Variants in MED17 observed in about 807,000 individuals in gnomAD.
The protein encoded by MED17 is mediator complex subunit 17, also known as mediator of RNA polymerase II transcription subunit 17.
Under a neutral mutation model 80.8 loss-of-function variants are expected in MED17, and 49 were observed. That is an observed-to-expected ratio of 0.61 (90% confidence interval 0.48 to 0.77). MED17 has a LOEUF of 0.77. Among genes scored for constraint, MED17 ranks in the 30% least tolerant of loss-of-function variants. The pLI, the probability that MED17 is intolerant of heterozygous loss-of-function variation, is 0.00. For missense variants in MED17, 718 were observed against 787.0 expected (o/e 0.91, Z 1.05); for synonymous variants, 281 against 280.4 (o/e 1.00, Z -0.02).
intron 2 of MED17, chr11:93,788,680 CA>C (rs11405005): frequency 1.7e-4 from 21 of 123,474 alleles, no homozygotes; most frequent in African/African-American, 4.4e-4. Flanking sequence ...GATTCCATCC[CA>C]AAAAAAAAAA....
At chr11:93,791,723 C>T (rs1943837986) in intron 3 of MED17, among the ~76,000 whole-genome samples, 1 of 151,932 alleles carries the variant, frequency 6.6e-6, no homozygotes, top group East Asian at 1.9e-4. Flanking sequence ...CAAACGAAAA[C>T]TGGACATGAT....
chr11:93,796,804 A>G lies in MED17; in HGVS notation c.1143+264A>G, dbSNP rs79503048. 3.6e-3 allele frequency: 1,546 copies of G among 435,216 alleles called. 21 individuals carry two copies. Among genetic ancestry groups the G allele is most frequent in the African/African-American group, 0.027 (1,360 of 49,762 alleles). The allele number at this position is 435,216 out of a possible 1,614,324, so 27.0% of individuals were successfully genotyped here. A position where few individuals can be genotyped will look rare whatever the true frequency, so the allele number is the denominator to read the frequency against. The stretch of plus-strand genomic sequence containing the variant: ...AAACATGATGCTAAAGTGCAGAGGG[A>G]AGGGTGATTCTGACCGGGGGAGTTA... On this transcript the variant is annotated intron_variant, in intron 7 of 11. Coordinates refer to ENST00000251871, the MANE Select transcript of MED17 (RefSeq NM_004268.5).
At position 93,813,937 on chromosome 11, in the gene MED17, ACTC is replaced by A. The variant is rs1456962802; in HGVS notation, c.*1876_*1878del. Reference sequence around the variant, plus strand: ...GCCATCTTGGCCAGGCTGGTCTTGAACTCCTGGCCTCAATTGATCCGCCCACCT... The same window carrying A: ...GCCATCTTGGCCAGGCTGGTCTTGAACTGGCCTCAATTGATCCGCCCACCT... On this transcript the variant is annotated 3_prime_UTR_variant, in exon 12 of 12. Transcript: ENST00000251871. 5 of 151,864 alleles carry A rather than the reference ACTC, an allele frequency of 3.3e-5. No individual in the cohort carries two copies. Among genetic ancestry groups the A allele is most frequent in the African/African-American group, 1.2e-4 (5 of 41,298 alleles). 9.4% of individuals were successfully genotyped at this position (151,864 alleles called of 1,614,324 possible). A position where few individuals can be genotyped will look rare whatever the true frequency, so the allele number is the denominator to read the frequency against.
intron 10 of MED17, chr11:93,809,337 A>G (rs1479451435): frequency 6.0e-6 from 2 of 331,232 alleles, no homozygotes; most frequent in East Asian, 1.5e-4. Context: ...CAGAGGATGT[A>G]AGAAGGTATT....
rs1309052340 is a variant in MED17, at chr11:93,790,575, A to C, written c.419A>C (p.Asn140Thr). Residue 140 changes from asparagine (N) to threonine (T), a missense_variant and splice_region_variant, in exon 3 of 12, where the codon AAT (asparagine) becomes ACT (threonine). Coordinates refer to ENST00000251871, the MANE Select transcript of MED17 (RefSeq NM_004268.5). ...VSQDALPPKQ[N>T]PQTLQLISKK... Reference sequence around the variant, plus strand: ...GCATGTTTGGGTTGTTTTTGACAGAATCCTCAGACGTTGCAATTGATATCT... The same window carrying C: ...GCATGTTTGGGTTGTTTTTGACAGACTCCTCAGACGTTGCAATTGATATCT... 4 of 1,613,626 alleles carry C rather than the reference A, an allele frequency of 2.5e-6. No homozygotes were observed. In the East Asian group the frequency reaches 8.9e-5, roughly 36 times the overall value.
chr11:93,809,717 A>G lies in MED17; in HGVS notation c.1585A>G (p.Met529Val). The G allele has an allele frequency of 1.9e-6, 3 of 1,614,168 alleles. No individual in the cohort carries two copies. The highest frequency in any genetic ancestry group is 2.5e-6 in the Non-Finnish European group (3 of 1,180,022). ...QELQDFLLSQMSQHQVHAVQQ... is the reference protein window; with the variant it reads ...QELQDFLLSQVSQHQVHAVQQ... ...GTCAAGTGTCCTTTTTCATTCACAGATGTCACAGCACCAGGTACATGCAGT... is the reference window on the plus strand; with the variant it reads ...GTCAAGTGTCCTTTTTCATTCACAGGTGTCACAGCACCAGGTACATGCAGT... Residue 529 changes from methionine to valine, a missense_variant and splice_region_variant, in exon 11 of 12, where the codon ATG becomes GTG. Met to Val is a conservative substitution (Grantham distance 21). Transcript: ENST00000251871.
At chr11:93,790,011 T>C (rs1393421493) in intron 2 of MED17, among the ~76,000 whole-genome samples, 1 of 152,216 alleles carries the variant, frequency 6.6e-6, no homozygotes, top group Non-Finnish European at 1.5e-5. Context: ...AAAAGCACTT[T>C]AATAGCTTAT....
chr11:93,784,613 C>T lies in MED17; in HGVS notation c.100C>T (p.Leu34=). 1 of 1,598,972 alleles carries T rather than the reference C, an allele frequency of 6.3e-7. No homozygotes were observed. The highest frequency in any genetic ancestry group is 8.5e-7 in the Non-Finnish European group (1 of 1,174,056). ...LDGTETYLPP[L]SMSQNLARLA... is the part of the protein sequence containing the mutation. ...TGGCACCGAGACGTACCTGCCCCCG[C>T]TGTCCATGTCGCAGAATCTGGCGCG... The change falls in exon 1 of 12, where the codon CTG becomes TTG. Residue 34 remains leucine, a synonymous_variant. Transcript: ENST00000251871.
At chr11:93,802,744 A>C (rs1033571825) in intron 9 of MED17, among the ~76,000 whole-genome samples, 2 of 152,076 alleles carry the variant, frequency 1.3e-5, no homozygotes, top group African/African-American at 4.8e-5. Context: ...TCCTGGGTCT[A>C]ATCAAGTTCA....
intron 10 of MED17, chr11:93,808,959 G>C (rs1944058474): frequency 6.5e-6 from 1 of 153,746 alleles, no homozygotes. Flanking sequence ...CATTGTATCA[G>C]TCAGAGTCTT....
chr11:93,784,458 G>C lies in MED17; in HGVS notation c.-56G>C. 1.3e-6 allele frequency: 2 copies of C among 1,555,718 alleles called. No homozygotes were observed. The highest frequency in any genetic ancestry group is 1.7e-6 in the Non-Finnish European group (2 of 1,151,948). On this transcript the variant is annotated 5_prime_UTR_variant, in exon 1 of 12. Transcript: ENST00000251871. Reference sequence around the variant, plus strand: ...CTCTCCGCAGGGAAGCCTCCTCTTCGTACCTCGTTTTTTGGCTCGTGGGGG... The same window carrying C: ...CTCTCCGCAGGGAAGCCTCCTCTTCCTACCTCGTTTTTTGGCTCGTGGGGG...
At chr11:93,794,496 C>T (rs1156307701) in intron 5 of MED17, 1 of 252,752 alleles carries the variant, frequency 4.0e-6, no homozygotes, top group African/African-American at 2.3e-5. Context: ...GAGCCACCAG[C>T]ACCTTTTTTT....
Position 93,787,988 on chromosome 11 carries a change from TC to T in MED17, c.251-12del, listed in dbSNP as rs1943787414. ...TACTTCTGTATTTCTTTTTTTTCTC[TC>T]TCTCTTTTTAGGAGTGGTAAAATTT... On this transcript the variant is annotated splice_polypyrimidine_tract_variant and intron_variant, in intron 1 of 11. Transcript: ENST00000251871. 1 of 1,612,446 alleles carries T rather than the reference TC, an allele frequency of 6.2e-7. No homozygotes were observed. Among genetic ancestry groups the T allele is most frequent in the African/African-American group, 1.3e-5 (1 of 74,890 alleles).
chr11:93,809,201 G>A (rs1464715943), intron 10 of MED17: 2 of 227,126 alleles, frequency 8.8e-6, no homozygotes, highest in Non-Finnish European at 1.8e-5. Flanking sequence ...GAGAAGCCTA[G>A]CAGCCAGTCA....
intron 6 of MED17, 34 bp downstream of exon 6, chr11:93,795,094 G>A (rs879443056): frequency 1.2e-6 from 2 of 1,612,694 alleles, no homozygotes; most frequent in African/African-American, 1.3e-5. Flanking sequence ...TTATGAACAG[G>A]ACTTTGTGTT....
At chr11:93,805,250 G>T (rs748441888) in intron 9 of MED17, among the ~76,000 whole-genome samples, 32 of 152,136 alleles carry the variant, frequency 2.1e-4, no homozygotes, top group Non-Finnish European at 2.5e-4. Context: ...ACATACACAG[G>T]TCTATCCATT....
chr11:93,790,395 G>A (rs913620774), intron 2 of MED17, 179 bp from the exon 3 acceptor site: 15 of 643,502 alleles, frequency 2.3e-5, no homozygotes, highest in Non-Finnish European at 4.1e-5. Flanking sequence ...CATAAGTAAA[G>A]CTTTGAGTGA....
rs1944067347 is a variant in MED17 at position 93,809,760 on chromosome 11, T to C, written c.1628T>C (p.Val543Ala). The C allele has an allele frequency of 6.2e-7, 1 of 1,613,978 alleles. No homozygotes were observed. Among genetic ancestry groups the C allele is most frequent in the Admixed American group, 1.7e-5 (1 of 59,990 alleles). Reference protein sequence around the residue: ...QVHAVQQLAKVMGWQVLSFSN... With the variant: ...QVHAVQQLAKAMGWQVLSFSN... ...CATGCAGTTCAGCAACTCGCCAAGG[T>C]TATGGGCTGGCAAGTACTGAGCTTC... The change falls in exon 11 of 12, where the codon GTT becomes GCT. Residue 543 changes from valine (V) to alanine (A), a missense_variant. Transcript: ENST00000251871.
intron 6 of MED17, 102 bp downstream of exon 6, chr11:93,795,162 C>G: frequency 1.6e-6 from 2 of 1,282,052 alleles, no homozygotes; most frequent in Non-Finnish European, 1.1e-6. Context: ...ATAATGAGAG[C>G]AAAGAAATAG....
Sources: allele counts gnomAD v4.1 joint callset (sites outside exome capture counted in the v4.1 genomes callset), GRCh38; gene constraint gnomAD v4.1.1; transcripts MANE v1.5; gene names NCBI Gene and HGNC (gene_info 2026-07-23, HGNC 2026-07-21).